PPP1R13L: variants seen among roughly 807,000 people sequenced by gnomAD.
The protein encoded by PPP1R13L is relA-associated inhibitor.
In PPP1R13L, 50 loss-of-function variants were observed where a neutral mutation model predicts 80.9. The ratio of observed to expected loss-of-function variants is 0.62; its 90% CI spans 0.49 to 0.78. The LOEUF (loss-of-function observed/expected upper bound fraction) is 0.78. Among genes scored for constraint, PPP1R13L ranks in the 30% least tolerant of loss-of-function variants. PPP1R13L has a pLI of 0.00. For missense variants in PPP1R13L, 1,200 were observed against 1,205.9 expected (o/e 1.00, Z 0.07); for synonymous variants, 602 against 534.3 (o/e 1.13, Z -1.75).
At chr19:45,398,862 T>C (rs1032543051) in intron 1 of PPP1R13L, among the ~76,000 whole-genome samples, 2 of 151,980 alleles carry the variant, frequency 1.3e-5, no homozygotes, top group Non-Finnish European at 2.9e-5. Context: ...ATTGATCACC[T>C]ACAATGTGCC....
chr19:45,392,675 AGTTGGGACTTGAACT>A, intron 7 of PPP1R13L: 2 of 415,152 alleles, frequency 4.8e-6, no homozygotes, highest in East Asian at 1.1e-4. Context: ...AAAGCCATGC[AGTTGGGACTTGAACT>A]CAGTTCTGGC....
intron 7 of PPP1R13L, chr19:45,395,173 T>G: frequency 1.1e-5 from 5 of 474,768 alleles, no homozygotes; most frequent in East Asian, 4.2e-5. Context: ...CTCAAGAAAA[T>G]TGAGGCCCAG....
intron 12 of PPP1R13L, among the ~76,000 whole-genome samples, chr19:45,380,800 C>T (rs533041422): frequency 2.7e-5 from 4 of 150,810 alleles, no homozygotes; most frequent in East Asian, 3.9e-4. Flanking sequence ...GCCTGGGCGA[C>T]GCAGCTGAAG....
chr19:45,385,620 G>C lies in PPP1R13L; in HGVS notation c.2190C>G (p.Ala730=). The part of the protein sequence containing the change: ...FATTLSDGAT[A]FEKCDPYREG... ...CGCGGTAAGGGTCGCACTTCTCGAA[G>C]GCGGTGGCGCCGTCGCTGAGCGTGG... Residue 730 remains alanine, a synonymous_variant, in exon 11 of 13, where the codon GCC becomes GCG. Coordinates refer to ENST00000360957, the MANE Select transcript of PPP1R13L (RefSeq NM_006663.4). The C allele has an allele frequency of 6.2e-7, 1 of 1,613,238 alleles. No homozygotes were observed. Among genetic ancestry groups the C allele is most frequent in the Non-Finnish European group, 8.5e-7 (1 of 1,179,906 alleles).
chr19:45,391,863 C>T lies in PPP1R13L; in HGVS notation c.1815+17G>A, dbSNP rs762317293. 6.2e-6 allele frequency: 9 copies of T among 1,448,602 alleles called. No individual in the cohort carries two copies. Among genetic ancestry groups the T allele is most frequent in the Middle Eastern group, 3.7e-4 (2 of 5,404 alleles). The allele number at this position is 1,448,602 out of a possible 1,614,324, so 89.7% of individuals were successfully genotyped here. On this transcript the variant is annotated intron_variant, in intron 8 of 12. Transcript: ENST00000360957. ...TCATGTAGCAAACATACCCCGGTTT[C>T]CTCCTGTATTACTTACCATGCTCTG...
At position 45,395,488 on chromosome 19, in the gene PPP1R13L, G is replaced by A. The variant is rs750040276; in HGVS notation, c.1302C>T (p.Thr434=). 1.4e-6 allele frequency: 2 copies of A among 1,448,074 alleles called. No individual in the cohort carries two copies. Among genetic ancestry groups the A allele is most frequent in the Admixed American group, 4.0e-5 (2 of 50,410 alleles). The allele number at this position is 1,448,074 out of a possible 1,614,324, so 89.7% of individuals were successfully genotyped here. A position where few individuals can be genotyped will look rare whatever the true frequency, so the allele number is the denominator to read the frequency against. Reference sequence around the variant, plus strand: ...GGGGATGCTGGGGGGCTGGGGTAGGGGTTTGGGGTTGGGTCTGGGGCTGTG... The same window carrying A: ...GGGGATGCTGGGGGGCTGGGGTAGGAGTTTGGGGTTGGGTCTGGGGCTGTG... The part of the protein sequence containing the change: ...LPPQPQTQPQ[T]PTPAPQHPQQ... The change falls in exon 7 of 13, where the codon ACC becomes ACT. Residue 434 remains threonine, a synonymous_variant. Transcript: ENST00000360957.
At chr19:45,395,338 AT>A in intron 7 of PPP1R13L, 97 bp downstream of exon 7, 5 of 1,474,100 alleles carry the variant, frequency 3.4e-6, no homozygotes, top group Non-Finnish European at 4.6e-6. Context: ...GTAAAGAGGC[AT>A]TTGGCTGTGA....
chr19:45,390,773 A>AG (rs1972956150), intron 8 of PPP1R13L, among the ~76,000 whole-genome samples: 1 of 152,122 alleles, frequency 6.6e-6, no homozygotes, highest in Non-Finnish European at 1.5e-5. Context: ...TTTAGTAGAC[A>AG]GGGGGTTTCA....
intron 1 of PPP1R13L, among the ~76,000 whole-genome samples, chr19:45,399,992 T>C (rs1973199928): frequency 1.3e-5 from 2 of 151,048 alleles, no homozygotes; most frequent in Admixed American, 1.3e-4. Context: ...TCTAGAGTGG[T>C]GAGAAATGCC....
intron 7 of PPP1R13L, 198 bp from the exon 8 acceptor site, chr19:45,392,538 GT>G: frequency 1.4e-6 from 1 of 692,010 alleles, no homozygotes; most frequent in Admixed American, 2.1e-5. Context: ...TGAGCAGTTA[GT>G]ATGTGCCTGG....
chr19:45,398,449 C>T, intron 1 of PPP1R13L, 110 bp from the exon 2 acceptor site: 6 of 1,053,208 alleles, frequency 5.7e-6, no homozygotes, highest in African/African-American at 1.6e-5. Flanking sequence ...CAGTTCCTTC[C>T]CCTGGAAGCC....
chr19:45,381,128 C>T (rs956260596), intron 12 of PPP1R13L, among the ~76,000 whole-genome samples: 1 of 150,818 alleles, frequency 6.6e-6, no homozygotes, highest in African/African-American at 2.4e-5. Flanking sequence ...CATCAGGGCT[C>T]ACTGCAGGAT....
At chr19:45,398,224 G>A in intron 2 of PPP1R13L, 40 bp downstream of exon 2, 3 of 1,613,336 alleles carry the variant, frequency 1.9e-6, no homozygotes, top group Non-Finnish European at 2.5e-6. Context: ...CCGCTGCCGA[G>A]GTCCCCGCCT....
chr19:45,404,916 G>A lies in PPP1R13L; in HGVS notation c.-22+83C>T, dbSNP rs1973300944. The stretch of plus-strand genomic sequence containing the variant: ...CCCAAATTCCGCCCTGGGACCTGGC[G>A]TCCGAGTCCCCTCCCAATCCTCCCA... On this transcript the variant is annotated intron_variant, in intron 1 of 12. Transcript: ENST00000360957. The A allele has an allele frequency of 3.5e-6, 3 of 866,394 alleles. No individual in the cohort carries two copies. In the African/African-American group the frequency reaches 5.5e-5, roughly 16 times the overall value. The allele number at this position is 866,394 out of a possible 1,614,324, so 53.7% of individuals were successfully genotyped here.
rs566717895 is a variant in PPP1R13L at position 45,380,372 on chromosome 19, G to C, written c.2449-144C>G. 5.8e-4 allele frequency: 492 copies of C among 855,554 alleles called. 2 individuals carry two copies. Among genetic ancestry groups the C allele is most frequent in the African/African-American group, 5.6e-3 (333 of 59,274 alleles). The allele number at this position is 855,554 out of a possible 1,614,324, so 53.0% of individuals were successfully genotyped here. A position where few individuals can be genotyped will look rare whatever the true frequency, so the allele number is the denominator to read the frequency against. On this transcript the variant is annotated intron_variant, in intron 12 of 12. Coordinates refer to ENST00000360957, the MANE Select transcript of PPP1R13L (RefSeq NM_006663.4). ...AACTGCTCCAGAATCCAAGTTCTGT[G>C]TCACCTCCAAGAACCAGATGGAACC... is the stretch of plus-strand genomic sequence containing the variant.
intron 8 of PPP1R13L, among the ~76,000 whole-genome samples, chr19:45,391,464 A>G (rs1972970814): frequency 2.0e-5 from 3 of 152,200 alleles, no homozygotes; most frequent in South Asian, 2.1e-4. Flanking sequence ...GGCCCTCCAT[A>G]TAGTCACACA....
chr19:45,405,305 G>T (rs568456770), upstream of PPP1R13L, among the ~76,000 whole-genome samples: 2 of 152,338 alleles, frequency 1.3e-5, no homozygotes, highest in Non-Finnish European at 2.9e-5. Flanking sequence ...GAAGAGCCGA[G>T]ACGCCTGCCT....
At chr19:45,385,298 G>A (rs1191203837) in intron 11 of PPP1R13L, among the ~76,000 whole-genome samples, 2 of 152,212 alleles carry the variant, frequency 1.3e-5, no homozygotes, top group Non-Finnish European at 2.9e-5. Context: ...AGATGTGAAA[G>A]GTGAGCAGAC....
At chr19:45,398,368 T>C (rs1973159744) in intron 1 of PPP1R13L, 29 bp from the exon 2 acceptor site, 1 of 1,605,520 alleles carries the variant, frequency 6.2e-7, no homozygotes, top group Non-Finnish European at 8.5e-7. Flanking sequence ...GGGAGCTGGC[T>C]AAGACCCCGC....
Sources: gnomAD v4.1 joint callset for allele counts (sites outside exome capture counted in the v4.1 genomes callset) on GRCh38, gnomAD v4.1.1 for gene constraint, MANE v1.5 for transcripts, NCBI Gene and HGNC (gene_info 2026-07-23, HGNC 2026-07-21) for gene names.